ATXN10: variants seen among roughly 807,000 people sequenced by gnomAD.
ATXN10 encodes ataxin 10, also known as ataxin-10.
A neutral mutation model predicts 52.9 loss-of-function variants in ATXN10; 28 were observed. That is an observed-to-expected ratio of 0.53 (90% CI 0.39 to 0.73). ATXN10 has a LOEUF of 0.73. Ranked by LOEUF, ATXN10 falls within the 30% of genes least tolerant of loss-of-function variation. ATXN10 has a pLI of 0.00. For synonymous variants in ATXN10, 226 were observed against 221.5 expected, an observed-to-expected ratio of 1.02 and a Z score of -0.18; for missense variants, 565 against 577.0, an observed-to-expected ratio of 0.98 and a Z score of 0.21.
At chr22:45,821,425 G>A (rs1928645502) in intron 10 of ATXN10, among the ~76,000 whole-genome samples, 1 of 151,870 alleles carries the variant, frequency 6.6e-6, no homozygotes, top group African/African-American at 2.4e-5. Flanking sequence ...ATCCTAATGG[G>A]TTTTCAAGAA....
In ATXN10 at chr22:45,807,021, C is replaced by T; in HGVS notation, c.1236C>T (p.Pro412=). ...LDNCNISDSN[P]FLTQWVIYAI... ...ACTGCAACATCAGTGACAGTAACCC[C>T]TGTATCCTTGCATGTGAATTACCAT... Residue 412 remains proline, a splice_region_variant and synonymous_variant, in exon 10 of 12, where the codon CCC becomes CCT. Transcript: ENST00000252934. The T allele has an allele frequency of 1.2e-6, 2 of 1,613,548 alleles. No homozygotes were observed. Among genetic ancestry groups the T allele is most frequent in the African/African-American group, 1.3e-5 (1 of 75,036 alleles).
At chr22:45,767,681 GA>G (rs1025013028) in intron 9 of ATXN10, among the ~76,000 whole-genome samples, 9 of 151,204 alleles carry the variant, frequency 6.0e-5, no homozygotes, top group African/African-American at 9.7e-5. Context: ...TTGAAAGAAA[GA>G]AAAAAAAGGG....
chr22:45,737,819 C>A (rs1445041796), intron 7 of ATXN10, among the ~76,000 whole-genome samples: 1 of 151,658 alleles, frequency 6.6e-6, no homozygotes, highest in African/African-American at 2.4e-5. Context: ...CTGCCTCAGC[C>A]TCCCTAGTAG....
intron 10 of ATXN10, among the ~76,000 whole-genome samples, chr22:45,830,453 T>G (rs183194613): frequency 6.6e-6 from 1 of 152,274 alleles, no homozygotes; most frequent in Non-Finnish European, 1.5e-5. Context: ...TATTTGCAAA[T>G]TATTTATTTG....
In ATXN10 at chr22:45,843,830, T is replaced by C. The variant is rs904292597; in HGVS notation, c.*159T>C. 7 of 683,352 alleles carry C rather than the reference T, an allele frequency of 1.0e-5. No individual in the cohort carries two copies. Among genetic ancestry groups the C allele is most frequent in the Non-Finnish European group, 1.8e-5 (7 of 393,736 alleles). 42.3% of individuals were successfully genotyped at this position (683,352 alleles called of 1,614,324 possible). A position where few individuals can be genotyped will look rare whatever the true frequency, so the allele number is the denominator to read the frequency against. On this transcript the variant is annotated 3_prime_UTR_variant, in exon 12 of 12. Coordinates refer to ENST00000252934, the MANE Select transcript of ATXN10 (RefSeq NM_013236.4). The surrounding 1 kb of genome is among the most constrained non-coding windows in gnomAD (Gnocchi z 4.5). ...GAGTTTAACGTGTATAAGCTAAAAGTGAAAGTAACTGAGTGTTCTCTTGTT... is the reference window on the plus strand; with the variant it reads ...GAGTTTAACGTGTATAAGCTAAAAGCGAAAGTAACTGAGTGTTCTCTTGTT...
At chr22:45,777,478 G>C (rs938687249) in intron 9 of ATXN10, among the ~76,000 whole-genome samples, 3 of 152,212 alleles carry the variant, frequency 2.0e-5, no homozygotes, top group Non-Finnish European at 4.4e-5. Context: ...AGTTGGGAGA[G>C]AGCTTGCATA....
intron 9 of ATXN10, chr22:45,792,863 T>C: frequency 2.0e-6 from 1 of 510,238 alleles, no homozygotes; most frequent in Non-Finnish European, 4.0e-6. Context: ...CTTCGACATT[T>C]TTACTGACTT....
Position 45,684,612 on chromosome 22 carries a change from A to C in ATXN10, c.117-5100A>C, listed in dbSNP as rs1427021822. ...GTGTTTCCTGTGGCTGCGTTTGTGC[A>C]CTGGGGGAGTTGAGAGTGTGACAGA... On this transcript the variant is annotated intron_variant, in intron 1 of 11. Coordinates refer to ENST00000252934, the MANE Select transcript of ATXN10 (RefSeq NM_013236.4). The surrounding 1 kb of genome is among the most constrained non-coding windows in gnomAD (Gnocchi z 4.1). Among the ~76,000 whole-genome samples the C allele has an allele frequency of 6.6e-6, 1 of 152,130 alleles. No homozygotes were observed. The highest frequency in any genetic ancestry group is 1.9e-4 in the East Asian group (1 of 5,190).
At chr22:45,693,168 C>CAGAACATGTGTTTCA in intron 3 of ATXN10, 90 bp downstream of exon 3, 3 of 1,054,098 alleles carry the variant, frequency 2.8e-6, no homozygotes, top group Non-Finnish European at 2.9e-6. Flanking sequence ...CATTGAAACA[C>CAGAACATGTGTTTCA]ATGTTCTGTA....
intron 9 of ATXN10, among the ~76,000 whole-genome samples, chr22:45,743,616 T>C (rs768939914): frequency 6.6e-6 from 1 of 152,210 alleles, no homozygotes; most frequent in Non-Finnish European, 1.5e-5. Flanking sequence ...CTGTCTCTGC[T>C]CCAAGACTAA....
intron 9 of ATXN10, among the ~76,000 whole-genome samples, chr22:45,773,095 G>C (rs1926830674): frequency 6.6e-6 from 1 of 152,190 alleles, no homozygotes; most frequent in Non-Finnish European, 1.5e-5. Context: ...ACATGTGGTG[G>C]GGGAGCTACT....
intron 9 of ATXN10, among the ~76,000 whole-genome samples, chr22:45,802,459 G>T (rs1927961499): frequency 1.3e-5 from 2 of 152,202 alleles, no homozygotes; most frequent in African/African-American, 4.8e-5. Context: ...CTTCCTGAAG[G>T]TGCTGTATTG....
rs1924513245 is a variant in ATXN10, at chr22:45,718,104, G to T, written c.648-309G>T. 6.6e-6 allele frequency among the ~76,000 whole-genome samples: 1 copy of T among 152,156 alleles called. No individual in the cohort carries two copies. The highest frequency in any genetic ancestry group is 2.4e-5 in the African/African-American group (1 of 41,434). ...TTTATACCTGATCTTGTTGCTAAATGAAGAATTTTTCTTTCTCAACTTAGA... is the reference window on the plus strand; with the variant it reads ...TTTATACCTGATCTTGTTGCTAAATTAAGAATTTTTCTTTCTCAACTTAGA... On this transcript the variant is annotated intron_variant, in intron 5 of 11. Coordinates refer to ENST00000252934, the MANE Select transcript of ATXN10 (RefSeq NM_013236.4). The surrounding 1 kb of genome is among the most constrained non-coding windows in gnomAD (Gnocchi z 4.4).
intron 9 of ATXN10, among the ~76,000 whole-genome samples, chr22:45,804,915 C>T (rs926485274): frequency 1.3e-5 from 2 of 152,126 alleles, no homozygotes; most frequent in African/African-American, 4.8e-5. Flanking sequence ...CTTTATCACA[C>T]ACAAGATTCT....
intron 9 of ATXN10, among the ~76,000 whole-genome samples, chr22:45,756,531 G>A (rs1046094409): frequency 5.3e-5 from 8 of 152,168 alleles, no homozygotes; most frequent in African/African-American, 1.7e-4. Flanking sequence ...AGGAAATTGT[G>A]TACCAACTTT....
At chr22:45,804,574 T>G (rs976769198) in intron 9 of ATXN10, among the ~76,000 whole-genome samples, 2 of 152,214 alleles carry the variant, frequency 1.3e-5, no homozygotes, top group Middle Eastern at 3.2e-3. Flanking sequence ...CTGAATGCAG[T>G]TTAAACACTT....
Position 45,825,412 on chromosome 22 carries a change from A to C in ATXN10, c.1238-17579A>C, listed in dbSNP as rs535897184. Among the ~76,000 whole-genome samples the C allele has an allele frequency of 1.6e-4, 24 of 152,300 alleles. No homozygotes were observed. The East Asian group carries it at 4.4e-3, about 28-fold the overall frequency. The stretch of plus-strand genomic sequence containing the variant: ...TATATACAGGGAAAATTAGAAAGTC[A>C]CCGTAGATTCCCAGGGAATAGCATA... On this transcript the variant is annotated intron_variant, in intron 10 of 11. Coordinates refer to ENST00000252934, the MANE Select transcript of ATXN10 (RefSeq NM_013236.4). The surrounding 1 kb of genome is among the most constrained non-coding windows in gnomAD (Gnocchi z 4.5).
At position 45,762,498 on chromosome 22, in the gene ATXN10, T is replaced by C. The variant is rs1417198223; in HGVS notation, c.1173+21960T>C. 6.6e-6 allele frequency among the ~76,000 whole-genome samples: 1 copy of C among 152,216 alleles called. No homozygotes were observed. The highest frequency in any genetic ancestry group is 1.5e-5 in the Non-Finnish European group (1 of 68,034). ...GCTCCACCCTAGCCGAACCTGTGTC[T>C]GCACACCTGTTGTGTCTTCCTGGGA... On this transcript the variant is annotated intron_variant, in intron 9 of 11. Coordinates refer to ENST00000252934, the MANE Select transcript of ATXN10 (RefSeq NM_013236.4). This position sits in a 1 kb window ranked among gnomAD's most constrained non-coding sequence, Gnocchi z 4.3.
chr22:45,842,858 ATCC>A lies in ATXN10; in HGVS notation c.1238-130_1238-128del. 1 of 976,730 alleles carries A rather than the reference ATCC, an allele frequency of 1.0e-6. No homozygotes were observed. Among genetic ancestry groups the A allele is most frequent in the African/African-American group, 1.6e-5 (1 of 62,958 alleles). The allele number at this position is 976,730 out of a possible 1,614,324, so 60.5% of individuals were successfully genotyped here. A position where few individuals can be genotyped will look rare whatever the true frequency, so the allele number is the denominator to read the frequency against. On this transcript the variant is annotated intron_variant, in intron 10 of 11. Coordinates refer to ENST00000252934, the MANE Select transcript of ATXN10 (RefSeq NM_013236.4). The surrounding 1 kb of genome is among the most constrained non-coding windows in gnomAD (Gnocchi z 4.8). ...CTTGAGATGCATATTCAGAGAATGCATCCTCAAGAAAACTTGTGGATTGATACT... is the reference window on the plus strand; with the variant it reads ...CTTGAGATGCATATTCAGAGAATGCATCAAGAAAACTTGTGGATTGATACT...
Sources: allele counts gnomAD v4.1 joint callset (sites outside exome capture counted in the v4.1 genomes callset), GRCh38; gene constraint gnomAD v4.1.1; non-coding constraint Gnocchi (gnomAD v3.1); transcripts MANE v1.5; gene names NCBI Gene and HGNC (gene_info 2026-07-23, HGNC 2026-07-21).